Variants in EYA2 observed in about 807,000 individuals in gnomAD.
EYA2 encodes the protein protein phosphatase EYA2.
A neutral mutation model predicts 69.2 loss-of-function variants in EYA2; 31 were observed. That is an observed-to-expected ratio of 0.45 (90% confidence interval 0.34 to 0.60). EYA2 has a LOEUF of 0.60. Ranked by LOEUF, EYA2 falls within the 20% of genes least tolerant of loss-of-function variation. The probability of loss-of-function intolerance (pLI) is 0.02; values close to 1 mark genes in which losing one functional copy is unlikely to be tolerated. For synonymous variants in EYA2, 257 were observed against 279.4 expected (o/e 0.92, Z 0.80); for missense variants, 622 against 701.2 (o/e 0.89, Z 1.28).
chr20:47,032,721 G>C (rs1186128585), intron 5 of EYA2, among the ~76,000 whole-genome samples: 1 of 152,192 alleles, frequency 6.6e-6, no homozygotes, highest in Non-Finnish European at 1.5e-5. Context: ...CTGGCTGTGA[G>C]ACTTGATTTT....
chr20:46,919,744 T>C (rs1395017901), intron 1 of EYA2, among the ~76,000 whole-genome samples: 2 of 152,260 alleles, frequency 1.3e-5, no homozygotes, highest in Non-Finnish European at 2.9e-5. Flanking sequence ...TCCTTTGCAT[T>C]CACAACTTGG....
intron 5 of EYA2, among the ~76,000 whole-genome samples, chr20:47,069,037 C>T (rs998001839): frequency 2.0e-5 from 3 of 152,220 alleles, no homozygotes; most frequent in Non-Finnish European, 2.9e-5. Flanking sequence ...CCAGCCCTAA[C>T]TTTCTTAATC....
chr20:47,079,701 G>A (rs953254933), intron 7 of EYA2, among the ~76,000 whole-genome samples: 1 of 152,126 alleles, frequency 6.6e-6, no homozygotes, highest in Non-Finnish European at 1.5e-5. Flanking sequence ...CAATCATGGT[G>A]CATCCACCAG....
chr20:46,933,349 G>A (rs1416291082), intron 1 of EYA2, among the ~76,000 whole-genome samples: 1 of 152,172 alleles, frequency 6.6e-6, no homozygotes, highest in African/African-American at 2.4e-5. Context: ...AGAGGCTAGA[G>A]GCCCTCAGCA....
At chr20:46,967,914 G>T (rs905434580) in intron 1 of EYA2, among the ~76,000 whole-genome samples, 1 of 152,212 alleles carries the variant, frequency 6.6e-6, no homozygotes, top group African/African-American at 2.4e-5. Context: ...CTCCTTGCAG[G>T]CCAACAGAAG....
chr20:47,051,277 G>A (rs779667535), intron 5 of EYA2, among the ~76,000 whole-genome samples: 16 of 152,320 alleles, frequency 1.1e-4, no homozygotes, highest in African/African-American at 3.1e-4. Context: ...CCCCATAGGC[G>A]GCCATCTGCT....
intron 1 of EYA2, among the ~76,000 whole-genome samples, chr20:46,916,723 G>A (rs1331150696): frequency 1.3e-5 from 2 of 152,124 alleles, no homozygotes; most frequent in East Asian, 1.9e-4. Flanking sequence ...GGCTTTTGGA[G>A]GGGAGAGCTC....
intron 1 of EYA2, among the ~76,000 whole-genome samples, chr20:46,937,883 G>A (rs6094518): frequency 6.6e-6 from 1 of 152,104 alleles, no homozygotes. Flanking sequence ...CTGCGTGCCA[G>A]GCTCAGGGGT....
intron 1 of EYA2, among the ~76,000 whole-genome samples, chr20:46,977,097 A>C (rs796722320): frequency 2.0e-4 from 31 of 152,378 alleles, no homozygotes; most frequent in African/African-American, 7.5e-4. Flanking sequence ...AACAAGATGT[A>C]CAAGATCAAT....
intron 1 of EYA2, among the ~76,000 whole-genome samples, chr20:46,982,801 T>G (rs1205295044): frequency 6.7e-6 from 1 of 148,420 alleles, no homozygotes; most frequent in Non-Finnish European, 1.5e-5. Context: ...GAGATAGAGT[T>G]TTGCTTGTGT....
At chr20:47,054,161 A>G (rs1338648086) in intron 5 of EYA2, among the ~76,000 whole-genome samples, 2 of 152,188 alleles carry the variant, frequency 1.3e-5, no homozygotes, top group African/African-American at 4.8e-5. Flanking sequence ...TGTAAGACAG[A>G]ATGGACGGGG....
chr20:47,041,015 C>T (rs1037927601), intron 5 of EYA2, among the ~76,000 whole-genome samples: 2 of 152,178 alleles, frequency 1.3e-5, no homozygotes, highest in African/African-American at 2.4e-5. Flanking sequence ...TGTGGGGTCC[C>T]AGCAGGTAAG....
chr20:47,174,655 A>G (rs2034393460), intron 12 of EYA2, among the ~76,000 whole-genome samples: 1 of 152,166 alleles, frequency 6.6e-6, no homozygotes, highest in Admixed American at 6.5e-5. Context: ...TTTAAGGAGC[A>G]CTCGCTCTGC....
chr20:46,987,928 CT>C (rs1568706921), intron 1 of EYA2, among the ~76,000 whole-genome samples: 33 of 29,202 alleles, frequency 1.1e-3, no homozygotes, highest in South Asian at 1.6e-3. Flanking sequence ...CTCTCTCTCT[CT>C]CTCTCTCTCT....
rs1048566040 is a variant in EYA2 at position 46,941,362 on chromosome 20, C to T, written c.-11+46375C>T. Among the ~76,000 whole-genome samples the T allele has an allele frequency of 3.9e-5, 6 of 152,202 alleles. No individual in the cohort carries two copies. In the South Asian group the frequency reaches 8.3e-4, roughly 21 times the overall value. On this transcript the variant is annotated intron_variant, in intron 1 of 15. Coordinates refer to ENST00000327619, the MANE Select transcript of EYA2 (RefSeq NM_005244.5). ...GTCCACCGGAAGTAGAACGAAACTC[C>T]TAAGTCGATTCCCGGCTCTTCTGCT...
intron 5 of EYA2, among the ~76,000 whole-genome samples, chr20:47,048,597 G>A (rs989692087): frequency 3.9e-5 from 6 of 152,164 alleles, no homozygotes; most frequent in African/African-American, 7.2e-5. Flanking sequence ...TTAGCTGGGC[G>A]TGGTGGCATG....
chr20:47,105,314 T>C (rs1259373605), intron 9 of EYA2, among the ~76,000 whole-genome samples: 2 of 152,216 alleles, frequency 1.3e-5, no homozygotes, highest in African/African-American at 4.8e-5. Context: ...ATTTTCTACA[T>C]GGCTCCTTTA....
chr20:47,013,693 CAGTG>C lies in EYA2; in HGVS notation c.299-2485_299-2482del, dbSNP rs150924510. Among the ~76,000 whole-genome samples the C allele has an allele frequency of 9.8e-3, 1,486 of 152,302 alleles. 22 individuals carry two copies. Among genetic ancestry groups the C allele is most frequent in the African/African-American group, 0.034 (1,405 of 41,548 alleles). ...AGGGAGCGAAGGAGCCCAGGAAAGG[CAGTG>C]AGGTCGGAGGGGTGGGCAGAGCCCA... On this transcript the variant is annotated intron_variant, in intron 4 of 15. Transcript: ENST00000327619.
In EYA2 at chr20:47,109,809, G is replaced by A. The variant is rs541402845; in HGVS notation, c.888+12641G>A. 1.8e-4 allele frequency among the ~76,000 whole-genome samples: 28 copies of A among 152,298 alleles called. No homozygotes were observed. In the South Asian group the frequency reaches 5.4e-3, roughly 29 times the overall value. On this transcript the variant is annotated intron_variant, in intron 9 of 15. Transcript: ENST00000327619. ...TTGACATTCCCCATTTTTGGGGAAT[G>A]GGATACTACTGGCATCTAGTGGGTA...
Sources: gnomAD v4.1 joint callset for allele counts (sites outside exome capture counted in the v4.1 genomes callset) on GRCh38, gnomAD v4.1.1 for gene constraint, MANE v1.5 for transcripts, NCBI Gene and HGNC (gene_info 2026-07-23, HGNC 2026-07-21) for gene names.